The following P2RX5 variants were observed in gnomAD, a reference collection of about 807,000 sequenced individuals.
P2RX5 encodes purinergic receptor P2X 5.
Under a neutral mutation model 54.1 loss-of-function variants are expected in P2RX5, and 46 were observed. The ratio of observed to expected loss-of-function variants is 0.85; its 90% CI spans 0.67 to 1.09. The LOEUF (loss-of-function observed/expected upper bound fraction) is 1.09, where lower values mean the gene tolerates loss of function less well. P2RX5 is among the 50% of genes least tolerant of loss of function. The pLI, the probability that P2RX5 is intolerant of heterozygous loss-of-function variation, is 0.00. For missense variants in P2RX5, 566 were observed against 549.8 expected, an observed-to-expected ratio of 1.03 and a Z score of -0.29; for synonymous variants, 226 against 226.4, an observed-to-expected ratio of 1.00 and a Z score of 0.02.
the P2RX5 span, chr17:3,715,060 T>C: frequency 1.4e-4 from 89 of 631,932 alleles, no homozygotes; most frequent in Non-Finnish European, 1.2e-4. Flanking sequence ...TCATACTTAC[T>C]ACTCCCTTCT....
the P2RX5 span, among the ~76,000 whole-genome samples, chr17:3,722,994 A>G: frequency 2.0e-5 from 3 of 152,178 alleles, no homozygotes; most frequent in Admixed American, 6.5e-5. Context: ...GAGAGAAGTG[A>G]ATGGGTTTAG....
intron 7 of P2RX5, among the ~76,000 whole-genome samples, chr17:3,689,091 G>A (rs1386736375): frequency 1.3e-5 from 2 of 152,252 alleles, no homozygotes; most frequent in African/African-American, 2.4e-5. Flanking sequence ...ACTCAGAACC[G>A]CACAGCAGGT....
the P2RX5 span, among the ~76,000 whole-genome samples, chr17:3,709,689 T>C: frequency 1.3e-5 from 2 of 151,394 alleles, no homozygotes; most frequent in East Asian, 2.0e-4. Flanking sequence ...CTGAGGTGGG[T>C]GGATCACGAG....
At chr17:3,676,301 C>A (rs550639496) in intron 11 of P2RX5, 2 of 985,218 alleles carry the variant, frequency 2.0e-6, no homozygotes, top group Non-Finnish European at 2.4e-6. Flanking sequence ...GGGTCTTAAG[C>A]GCCAGCGTCA....
the P2RX5 span, chr17:3,716,892 G>A: frequency 1.4e-5 from 10 of 712,628 alleles, no homozygotes; most frequent in Non-Finnish European, 2.0e-5. Flanking sequence ...ACGAGGACTT[G>A]GCAACAACCC....
intron 9 of P2RX5, among the ~76,000 whole-genome samples, chr17:3,685,066 G>A (rs929783128): frequency 4.6e-5 from 7 of 151,966 alleles, no homozygotes; most frequent in Admixed American, 3.3e-4. Context: ...GGCTGGTCTC[G>A]AACTCACAAC....
At chr17:3,723,826 A>C in the P2RX5 span, 3 of 1,559,254 alleles carry the variant, frequency 1.9e-6, no homozygotes, top group Non-Finnish European at 2.6e-6. Context: ...GGCCCTGGCG[A>C]GGTGCGCATG....
At chr17:3,695,815 C>A in intron 1 of P2RX5, 54 bp downstream of exon 1, 1 of 1,590,932 alleles carries the variant, frequency 6.3e-7, no homozygotes, top group South Asian at 1.1e-5. Flanking sequence ...GACGCGGCGG[C>A]TGGCACCCGC....
At chr17:3,721,143 G>A in the P2RX5 span, among the ~76,000 whole-genome samples, 1 of 150,602 alleles carries the variant, frequency 6.6e-6, no homozygotes, top group Non-Finnish European at 1.5e-5. Context: ...TGCCCAGGCT[G>A]GTCTCAAACT....
At chr17:3,697,053 C>T (rs73312643), upstream of P2RX5, among the ~76,000 whole-genome samples, 1,880 of 152,046 alleles carry the variant, frequency 0.012, 23 homozygotes, top group African/African-American at 0.022. Flanking sequence ...GGTTTAAAAG[C>T]CCACACTCCG....
chr17:3,691,149 A>G (rs2050605890), intron 2 of P2RX5, 122 bp from the exon 3 acceptor site: 1 of 730,068 alleles, frequency 1.4e-6, no homozygotes, highest in African/African-American at 1.7e-5. Context: ...TGGGGCCACA[A>G]ACTTGGTATA....
chr17:3,699,546 C>T (rs2050801175), upstream of P2RX5, among the ~76,000 whole-genome samples: 1 of 151,862 alleles, frequency 6.6e-6, no homozygotes, highest in South Asian at 2.1e-4. Context: ...GTGGCTCACA[C>T]CTGTCATCCC....
At chr17:3,683,945 C>T (rs2050359730) in intron 9 of P2RX5, among the ~76,000 whole-genome samples, 1 of 152,192 alleles carries the variant, frequency 6.6e-6, no homozygotes, top group Non-Finnish European at 1.5e-5. Flanking sequence ...CAATGGACTC[C>T]TCCAGTGGGG....
chr17:3,711,369 T>A, the P2RX5 span, among the ~76,000 whole-genome samples: 1 of 127,218 alleles, frequency 7.9e-6, no homozygotes, highest in Non-Finnish European at 1.7e-5. Flanking sequence ...CAGCACTCAT[T>A]CTTTTTTTTT....
At chr17:3,678,640 T>C (rs1240218274) in intron 11 of P2RX5, among the ~76,000 whole-genome samples, 1 of 152,182 alleles carries the variant, frequency 6.6e-6, no homozygotes, top group Non-Finnish European at 1.5e-5. Context: ...GCTCCTTCCC[T>C]GCCCAGGCCC....
Position 3,690,619 on chromosome 17 carries a change from A to T in P2RX5, c.422T>A (p.Val141Asp). 6.8e-6 allele frequency: 11 copies of T among 1,613,524 alleles called. No homozygotes were observed. Among genetic ancestry groups the T allele is most frequent in the Non-Finnish European group, 8.5e-6 (10 of 1,180,008 alleles). ...CAGGCCCTCACCGTTTCCAGCTGTAACCGCTTCCCCAGCGTGGCAGTCGCT... is the reference window on the plus strand; with the variant it reads ...CAGGCCCTCACCGTTTCCAGCTGTATCCGCTTCCCCAGCGTGGCAGTCGCT... ...KDSDCHAGEAVTAGNGVKTGR... is the reference protein window; with the variant it reads ...KDSDCHAGEADTAGNGVKTGR... Residue 141 changes from valine (V) to aspartate (D), a missense_variant, in exon 4 of 12, where the codon GTT becomes GAT. By Grantham distance (152) the Val-to-Asp change is radical (BLOSUM62 -3). Coordinates refer to ENST00000225328, the MANE Select transcript of P2RX5 (RefSeq NM_002561.4).
the P2RX5 span, chr17:3,723,636 C>T: frequency 6.0e-6 from 9 of 1,500,014 alleles, no homozygotes; most frequent in African/African-American, 7.0e-5. Flanking sequence ...CCTCTCGTTA[C>T]CCGCTTCAGG....
chr17:3,722,168 G>C, the P2RX5 span, among the ~76,000 whole-genome samples: 1 of 149,112 alleles, frequency 6.7e-6, no homozygotes, highest in African/African-American at 2.5e-5. Flanking sequence ...ACTCCGTCTT[G>C]AAAGAAAGAA....
At chr17:3,697,718 G>A (rs1032535275), upstream of P2RX5, among the ~76,000 whole-genome samples, 1 of 152,158 alleles carries the variant, frequency 6.6e-6, no homozygotes, top group Non-Finnish European at 1.5e-5. Flanking sequence ...CTCTCAAACT[G>A]TCATTTGGGA....
Sources: allele counts gnomAD v4.1 joint callset (sites outside exome capture counted in the v4.1 genomes callset), GRCh38; gene constraint gnomAD v4.1.1; transcripts MANE v1.5; gene names NCBI Gene and HGNC (gene_info 2026-07-23, HGNC 2026-07-21).